FLT4: variants seen among roughly 807,000 people sequenced by gnomAD.
FLT4 encodes fms related receptor tyrosine kinase 4, also known as vascular endothelial growth factor receptor 3.
FLT4 carries 30 observed loss-of-function variants against 163.2 expected under a neutral mutation model. The ratio of observed to expected loss-of-function variants is 0.18; its 90% CI spans 0.14 to 0.25. The LOEUF (loss-of-function observed/expected upper bound fraction) is 0.25, where lower values mean the gene tolerates loss of function less well. FLT4 is among the 10% of genes least tolerant of loss of function. The pLI, the probability that FLT4 is intolerant of heterozygous loss-of-function variation, is 1.00. For missense variants in FLT4, 1,510 were observed against 1,863.8 expected (o/e 0.81, Z 3.50); for synonymous variants, 884 against 789.5 (o/e 1.12, Z -2.01).
Position 180,621,194 on chromosome 5 carries a change from G to A in FLT4, c.2079C>T (p.Asp693=). The A allele has an allele frequency of 6.2e-7, 1 of 1,612,850 alleles. No homozygotes were observed. Among genetic ancestry groups the A allele is most frequent in the Non-Finnish European group, 8.5e-7 (1 of 1,179,980 alleles). Residue 693 remains aspartate (D), a synonymous_variant, in exon 14 of 30, where the codon GAC becomes GAT. Coordinates refer to ENST00000261937, the MANE Select transcript of FLT4 (RefSeq NM_182925.5). ...NLTDLLVNVS[D]SLEMQCLVAG... ...CCACCAAGCACTGCATCTCCAGCGA[G>A]TCGCTCACGTTCACCAGGAGGTCGG...
chr5:180,603,377 C>T lies in FLT4; in HGVS notation c.3907G>A (p.Gly1303Ser). The T allele has an allele frequency of 1.2e-6, 2 of 1,613,978 alleles. No homozygotes were observed. Among genetic ancestry groups the T allele is most frequent in the Admixed American group, 1.7e-5 (1 of 59,988 alleles). ...GCCCTGGTCACAGCCACATTCTGGCCAGGTCCTTTACAGCTGCCAAGACAG... is the reference window on the plus strand; with the variant it reads ...GCCCTGGTCACAGCCACATTCTGGCTAGGTCCTTTACAGCTGCCAAGACAG... ...QESGFSCKGP[G>S]QNVAVTRAHP... The change falls in exon 30 of 30, where the codon GGC becomes AGC. Residue 1303 changes from glycine (G) to serine (S), a missense_variant. Physicochemically the swap from Gly to Ser is moderately conservative, Grantham distance 56 (BLOSUM62 0). Transcript: ENST00000261937.
chr5:180,627,488 A>G (rs1763718280), intron 8 of FLT4, among the ~76,000 whole-genome samples: 1 of 152,218 alleles, frequency 6.6e-6, no homozygotes, highest in Admixed American at 6.5e-5. Flanking sequence ...CCGGACAGTG[A>G]CAGCAGCGTG....
intron 2 of FLT4, among the ~76,000 whole-genome samples, chr5:180,631,417 G>A (rs938967699): frequency 2.0e-5 from 3 of 151,988 alleles, no homozygotes; most frequent in Non-Finnish European, 4.4e-5. Context: ...AGCTTGCAGT[G>A]AGCCGAGATC....
At position 180,621,005 on chromosome 5, in the gene FLT4, C is replaced by T. The variant is rs776391360; in HGVS notation, c.2170G>A (p.Val724Ile). The change falls in exon 15 of 30, where the codon GTC (valine) becomes ATC (isoleucine). Residue 724 changes from valine to isoleucine, a missense_variant and splice_region_variant. By Grantham distance (29) the Val-to-Ile change is conservative. Transcript: ENST00000261937. ...DERLLEEKSG[V>I]DLADSNQKLS... The stretch of plus-strand genomic sequence containing the variant: ...TTCTGGTTGGAGTCCGCCAAGTCGA[C>T]TCCTGCAGGGGGTGGGGTGGAGGTG... 1.9e-6 allele frequency: 3 copies of T among 1,611,536 alleles called. No individual in the cohort carries two copies. In the South Asian group the frequency reaches 3.3e-5, roughly 18 times the overall value.
At chr5:180,648,721 C>T (rs1402986529) in intron 1 of FLT4, among the ~76,000 whole-genome samples, 1 of 102,952 alleles carries the variant, frequency 9.7e-6, no homozygotes, top group Non-Finnish European at 2.3e-5. Context: ...CTCTCCCCGC[C>T]AGAGCCACAT....
At chr5:180,645,302 G>A (rs1033015831) in intron 1 of FLT4, among the ~76,000 whole-genome samples, 1 of 152,232 alleles carries the variant, frequency 6.6e-6, no homozygotes, top group Non-Finnish European at 1.5e-5. Context: ...GGAGGAGGGG[G>A]CCTGAGCAGA....
chr5:180,622,915 G>T (rs545507058), intron 11 of FLT4, 76 bp from the exon 12 acceptor site: 11 of 924,270 alleles, frequency 1.2e-5, no homozygotes, highest in African/African-American at 1.8e-5. Context: ...CTGCAAGGAG[G>T]TCGCTGTGCA....
intron 12 of FLT4, 32 bp downstream of exon 12, chr5:180,622,699 C>T (rs1275866443): frequency 2.1e-6 from 3 of 1,414,686 alleles, no homozygotes; most frequent in East Asian, 4.5e-5. Flanking sequence ...GACCCTGTAC[C>T]CAGGCCTCCC....
At position 180,620,784 on chromosome 5, in the gene FLT4, C is replaced by G. The variant is rs1763076102; in HGVS notation, c.2300-69G>C. ...AGAGCGTGCACCTGCAGGCAGCACC[C>G]CTTCTGGTGGCCACGACTTGCCCAA... On this transcript the variant is annotated intron_variant, in intron 15 of 29. Transcript: ENST00000261937. The surrounding 1 kb of genome is among the most constrained non-coding windows in gnomAD (Gnocchi z 4.4). 1.2e-6 allele frequency: 2 copies of G among 1,600,446 alleles called. No homozygotes were observed. The highest frequency in any genetic ancestry group is 2.7e-5 in the African/African-American group (2 of 74,810).
Position 180,626,213 on chromosome 5 carries a change from G to A in FLT4, c.1156C>T (p.Leu386Phe), listed in dbSNP as rs138573762. ...GTGCTGGCCTCTGTCACCTCCTTGA[G>A]CACCAGGGCATGTGGACTGTGGCGC... ...SGRHSPHALV[L>F]KEVTEASTGT... Residue 386 changes from leucine to phenylalanine, a missense_variant, in exon 9 of 30, where the codon CTC becomes TTC. Physicochemically the swap from Leu to Phe is conservative, Grantham distance 22 (BLOSUM62 0). Transcript: ENST00000261937. 3 of 1,612,814 alleles carry A rather than the reference G, an allele frequency of 1.9e-6. No individual in the cohort carries two copies. The highest frequency in any genetic ancestry group is 1.1e-5 in the South Asian group (1 of 91,088).
rs140327027 is a variant in FLT4 at position 180,620,588 on chromosome 5, G to C, written c.2406+21C>G. The stretch of plus-strand genomic sequence containing the variant: ...GGAAGGCCTGAGAGAGACTCCATCA[G>C]GAGCGGGGAGGGACACTCACCCTCC... On this transcript the variant is annotated intron_variant, in intron 16 of 29. Coordinates refer to ENST00000261937, the MANE Select transcript of FLT4 (RefSeq NM_182925.5). This position sits in a 1 kb window ranked among gnomAD's most constrained non-coding sequence, Gnocchi z 4.4. 2 of 1,556,734 alleles carry C rather than the reference G, an allele frequency of 1.3e-6. No individual in the cohort carries two copies. The highest frequency in any genetic ancestry group is 2.2e-5 in the South Asian group (2 of 89,910).
In FLT4 at chr5:180,602,046, C is replaced by T. The variant is rs889406632; in HGVS notation, c.*1146G>A. The T allele has an allele frequency of 5.6e-5, 13 of 233,248 alleles. No homozygotes were observed. The highest frequency in any genetic ancestry group is 2.0e-4 in the African/African-American group (9 of 45,336). 14.4% of individuals were successfully genotyped at this position (233,248 alleles called of 1,614,324 possible). A position where few individuals can be genotyped will look rare whatever the true frequency, so the allele number is the denominator to read the frequency against. On this transcript the variant is annotated 3_prime_UTR_variant, in exon 30 of 30. Transcript: ENST00000261937. ...TGCCTCCAGCCTTCAGGGGATCTCTCGGCTGCTCCTCTGGGAGGGCGGCAT... is the reference window on the plus strand; with the variant it reads ...TGCCTCCAGCCTTCAGGGGATCTCTTGGCTGCTCCTCTGGGAGGGCGGCAT...
In FLT4 at chr5:180,624,263, G is replaced by A. The variant is rs919299204; in HGVS notation, c.1422-202C>T. 3.6e-5 allele frequency among the ~76,000 whole-genome samples: 5 copies of A among 140,822 alleles called. 1 individual carries two copies. The South Asian group carries it at 8.9e-4, about 25-fold the overall frequency. The allele number at this position is 140,822 out of a possible 152,430, so 92.4% of individuals were successfully genotyped here. Reference sequence around the variant, plus strand: ...TTTTTTGAGACGGAGTTTCACTCTTGTTGCCCAGGCTGGACTGCAATGGCA... The same window carrying A: ...TTTTTTGAGACGGAGTTTCACTCTTATTGCCCAGGCTGGACTGCAATGGCA... On this transcript the variant is annotated intron_variant, in intron 10 of 29. Transcript: ENST00000261937.
At chr5:180,610,138 C>T in intron 27 of FLT4, 113 bp from the exon 28 acceptor site, 2 of 1,508,124 alleles carry the variant, frequency 1.3e-6, no homozygotes, top group Admixed American at 1.7e-5. Flanking sequence ...CCGCCTGGGG[C>T]AGGAGTATGG....
chr5:180,609,687 G>A (rs886663735), intron 28 of FLT4: 6 of 551,374 alleles, frequency 1.1e-5, no homozygotes, highest in African/African-American at 3.8e-5. Context: ...AGGAGGGGAG[G>A]CCTCGTGTGG....
chr5:180,609,286 C>G, intron 28 of FLT4: 1 of 588,752 alleles, frequency 1.7e-6, no homozygotes, highest in Non-Finnish European at 3.1e-6. Context: ...CCGTGGACGC[C>G]TCATACTTGG....
At chr5:180,650,289 C>G (rs555723673), upstream of FLT4, among the ~76,000 whole-genome samples, 13 of 152,192 alleles carry the variant, frequency 8.5e-5, no homozygotes, top group South Asian at 2.1e-3. Flanking sequence ...TGACCGACCC[C>G]CTCCCTGCAG....
intron 1 of FLT4, among the ~76,000 whole-genome samples, chr5:180,645,703 C>T (rs184748489): frequency 1.1e-3 from 165 of 152,312 alleles, no homozygotes; most frequent in Middle Eastern, 6.8e-3. Context: ...CCAGGGCTGG[C>T]GCCCTGCTCC....
chr5:180,634,304 C>T (rs768437731), intron 1 of FLT4, among the ~76,000 whole-genome samples: 1 of 152,208 alleles, frequency 6.6e-6, no homozygotes, highest in Admixed American at 6.5e-5. Flanking sequence ...CACAACCAGA[C>T]TGAACTGTGG....
Sources: allele counts gnomAD v4.1 joint callset (sites outside exome capture counted in the v4.1 genomes callset), GRCh38; gene constraint gnomAD v4.1.1; non-coding constraint Gnocchi (gnomAD v3.1); transcripts MANE v1.5; gene names NCBI Gene and HGNC (gene_info 2026-07-23, HGNC 2026-07-21).